Variants in CPNE4 observed in about 807,000 individuals in gnomAD.
The protein encoded by CPNE4 is copine 4, also known as copine-4.
A neutral mutation model predicts 67.9 loss-of-function variants in CPNE4; 25 were observed. The observed-to-expected ratio is 0.37, with a 90% CI of 0.27 to 0.51. CPNE4 has a LOEUF of 0.51. Among genes scored for constraint, CPNE4 ranks in the 20% least tolerant of loss-of-function variants. The pLI, the probability that CPNE4 is intolerant of heterozygous loss-of-function variation, is 0.93. For synonymous variants in CPNE4, 242 were observed against 244.9 expected, an observed-to-expected ratio of 0.99 and a Z score of 0.11; for missense variants, 464 against 690.8, an observed-to-expected ratio of 0.67 and a Z score of 3.68.
At chr3:131,788,348 T>G (rs1294369063) in intron 2 of CPNE4, among the ~76,000 whole-genome samples, 1 of 152,028 alleles carries the variant, frequency 6.6e-6, no homozygotes, top group African/African-American at 2.4e-5. Context: ...AAATGGCAAA[T>G]GATATTGAAT....
intron 15 of CPNE4, 144 bp from the exon 16 acceptor site, chr3:131,535,473 T>C (rs986296815): frequency 2.7e-6 from 2 of 727,724 alleles, no homozygotes; most frequent in Non-Finnish European, 4.1e-6. Context: ...CTTCAAGCAA[T>C]AGTTGTCAGA....
intron 2 of CPNE4, among the ~76,000 whole-genome samples, chr3:131,759,761 C>T (rs1432651564): frequency 6.6e-6 from 1 of 152,076 alleles, no homozygotes; most frequent in Non-Finnish European, 1.5e-5. Context: ...TCTTTAAAAC[C>T]TATCTGCAGA....
rs1207015463 is a variant in CPNE4 at position 131,998,197 on chromosome 3, T to C, written c.-2+36370A>G. Among the ~76,000 whole-genome samples, 4 of 152,232 alleles carry C rather than the reference T, an allele frequency of 2.6e-5. No individual in the cohort carries two copies. The East Asian group carries it at 7.7e-4, about 29-fold the overall frequency. On this transcript the variant is annotated intron_variant, in intron 1 of 15. Transcript: ENST00000429747. ...TAGAAATGCTAAAGTTTCCTACCCTTGAACCTCAAAGATCCCCTGATGATG... is the reference window on the plus strand; with the variant it reads ...TAGAAATGCTAAAGTTTCCTACCCTCGAACCTCAAAGATCCCCTGATGATG...
intron 2 of CPNE4, among the ~76,000 whole-genome samples, chr3:131,783,224 T>TTA: frequency 6.6e-6 from 1 of 152,108 alleles, no homozygotes; most frequent in Non-Finnish European, 1.5e-5. Context: ...TCCACTATAA[T>TTA]AAGCAAGTAC....
chr3:131,953,266 A>AAAAAT (rs2071834459), intron 1 of CPNE4, among the ~76,000 whole-genome samples: 3 of 147,842 alleles, frequency 2.0e-5, no homozygotes, highest in African/African-American at 4.9e-5. Context: ...AAAAAAAAAA[A>AAAAAT]GAATGGTGAA....
intron 14 of CPNE4, among the ~76,000 whole-genome samples, chr3:131,549,386 GTTA>G (rs1381227372): frequency 6.6e-6 from 1 of 152,130 alleles, no homozygotes; most frequent in Non-Finnish European, 1.5e-5. Context: ...AAATACAGAA[GTTA>G]TTGTGGTAAT....
At chr3:131,594,107 A>T (rs1349185862) in intron 7 of CPNE4, among the ~76,000 whole-genome samples, 3 of 152,076 alleles carry the variant, frequency 2.0e-5, no homozygotes, top group Non-Finnish European at 4.4e-5. Flanking sequence ...TAATTTTTTT[A>T]CTATTGAGTA....
At chr3:131,676,844 C>T (rs115248778) in intron 6 of CPNE4, among the ~76,000 whole-genome samples, 10,866 of 152,046 alleles carry the variant, frequency 0.071, 854 homozygotes, top group East Asian at 0.26. Flanking sequence ...AGTGAACATA[C>T]GTGTGCATGT....
At chr3:131,626,007 G>C (rs2079063200) in intron 7 of CPNE4, among the ~76,000 whole-genome samples, 1 of 152,100 alleles carries the variant, frequency 6.6e-6, no homozygotes, top group African/African-American at 2.4e-5. Flanking sequence ...TATTGTAATT[G>C]TTTTGAGGTG....
intron 10 of CPNE4, among the ~76,000 whole-genome samples, chr3:131,574,154 C>G (rs1020217572): frequency 3.9e-5 from 6 of 152,064 alleles, no homozygotes; most frequent in Admixed American, 3.9e-4. Context: ...TTTCAAATGA[C>G]TGAGCCAGTC....
intron 2 of CPNE4, among the ~76,000 whole-genome samples, chr3:131,820,385 C>G (rs1228665546): frequency 2.0e-5 from 3 of 152,162 alleles, no homozygotes; most frequent in African/African-American, 7.2e-5. Flanking sequence ...ATTTATCACA[C>G]CTTAATCCAA....
intron 7 of CPNE4, among the ~76,000 whole-genome samples, chr3:131,633,759 C>CTTT (rs560803911): frequency 6.6e-6 from 1 of 150,582 alleles, no homozygotes; most frequent in Admixed American, 6.6e-5. Flanking sequence ...TTCAATGTAA[C>CTTT]TTTTTTATTT....
chr3:131,692,049 TC>T (rs2081046634), intron 5 of CPNE4, among the ~76,000 whole-genome samples: 1 of 152,168 alleles, frequency 6.6e-6, no homozygotes, highest in Non-Finnish European at 1.5e-5. Flanking sequence ...GTGGTAAAAT[TC>T]TTTAATAACA....
At chr3:131,803,843 A>C (rs1286064170) in intron 2 of CPNE4, among the ~76,000 whole-genome samples, 3 of 152,222 alleles carry the variant, frequency 2.0e-5, no homozygotes, top group Non-Finnish European at 4.4e-5. Context: ...CAGTGATCAA[A>C]ATGGTGGTCA....
At chr3:131,811,483 G>C (rs1280801264) in intron 2 of CPNE4, among the ~76,000 whole-genome samples, 1 of 152,090 alleles carries the variant, frequency 6.6e-6, no homozygotes, top group East Asian at 1.9e-4. Flanking sequence ...GGACAACTCA[G>C]TGAATGGCTT....
At chr3:132,033,189 A>T (rs967941794) in intron 1 of CPNE4, among the ~76,000 whole-genome samples, 3 of 152,260 alleles carry the variant, frequency 2.0e-5, no homozygotes, top group African/African-American at 7.2e-5. Flanking sequence ...AAGATAACAT[A>T]TTAAAGTATC....
chr3:131,546,971 T>C (rs1935880706), intron 14 of CPNE4, among the ~76,000 whole-genome samples: 1 of 152,168 alleles, frequency 6.6e-6, no homozygotes, highest in African/African-American at 2.4e-5. Flanking sequence ...TTTGAAGAAT[T>C]GGTTCTGGTG....
intron 1 of CPNE4, among the ~76,000 whole-genome samples, chr3:131,973,540 T>C (rs151052034): frequency 1.5e-4 from 23 of 152,342 alleles, no homozygotes; most frequent in East Asian, 3.9e-4. Flanking sequence ...ATCATCTCCA[T>C]TGGCAAACAA....
intron 2 of CPNE4, among the ~76,000 whole-genome samples, chr3:131,814,812 G>A (rs989842298): frequency 3.7e-5 from 5 of 136,912 alleles, no homozygotes; most frequent in Admixed American, 6.9e-5. Flanking sequence ...CACCGTTATA[G>A]CCGGGATGGT....
Sources: allele counts gnomAD v4.1 joint callset (sites outside exome capture counted in the v4.1 genomes callset), GRCh38; gene constraint gnomAD v4.1.1; transcripts MANE v1.5; gene names NCBI Gene and HGNC (gene_info 2026-07-23, HGNC 2026-07-21).